The following ASCC2 variants were observed in gnomAD, a reference collection of about 807,000 sequenced individuals.
The protein encoded by ASCC2 is ASC-1 complex subunit P100.
In ASCC2, 42 loss-of-function variants were observed where a neutral mutation model predicts 93.5. The ratio of observed to expected loss-of-function variants is 0.45; its 90% CI spans 0.35 to 0.58. The LOEUF is 0.58. ASCC2 is among the 20% of genes least tolerant of loss of function. The pLI is 0.00. For missense variants in ASCC2, 859 were observed against 977.6 expected (o/e 0.88, Z 1.62); for synonymous variants, 364 against 384.2 (o/e 0.95, Z 0.62).
Position 29,801,050 on chromosome 22 carries a change from G to A in ASCC2, c.1629C>T (p.Asp543=), listed in dbSNP as rs764843866. The A allele has an allele frequency of 3.3e-5, 53 of 1,609,550 alleles. No homozygotes were observed. Among genetic ancestry groups the A allele is most frequent in the Non-Finnish European group, 3.2e-5 (38 of 1,176,450 alleles). The change falls in exon 15 of 20, where the codon GAC becomes GAT. Residue 543 remains aspartate, a synonymous_variant. Coordinates refer to ENST00000307790, the MANE Select transcript of ASCC2 (RefSeq NM_032204.5). ...AGTCCCTGCTGAACACATCAAACTCGTCATTCTGGAAGACGTTGTGGCGAG... is the reference window on the plus strand; with the variant it reads ...AGTCCCTGCTGAACACATCAAACTCATCATTCTGGAAGACGTTGTGGCGAG... The part of the protein sequence containing the change: ...LTSRHNVFQN[D]EFDVFSRDSV...
chr22:29,816,177 CT>C lies in ASCC2; in HGVS notation c.542-105del, dbSNP rs1197917858. 4 of 963,984 alleles carry C rather than the reference CT, an allele frequency of 4.1e-6. No homozygotes were observed. In the East Asian group the frequency reaches 7.9e-5, roughly 19 times the overall value. 59.7% of individuals were successfully genotyped at this position (963,984 alleles called of 1,614,324 possible). ...GCCAGCAGGTCTGTGACCTTTCTCC[CT>C]TTTCCTAATCCTATCTGCAGCTAGG... On this transcript the variant is annotated intron_variant, in intron 5 of 19. Transcript: ENST00000307790.
intron 7 of ASCC2, 24 bp downstream of exon 7, chr22:29,814,633 G>T (rs767656220): frequency 6.4e-7 from 1 of 1,566,310 alleles, no homozygotes; most frequent in South Asian, 1.2e-5. Flanking sequence ...GCAGGAAAGA[G>T]ACTGGGCCGA....
chr22:29,798,831 G>T (rs1042606608), intron 15 of ASCC2, among the ~76,000 whole-genome samples: 2 of 152,230 alleles, frequency 1.3e-5, no homozygotes, highest in African/African-American at 4.8e-5. Context: ...TCTAGCATAG[G>T]ATCTGGTGCT....
At chr22:29,812,886 GTT>G (rs111804922) in intron 8 of ASCC2, among the ~76,000 whole-genome samples, 2 of 143,732 alleles carry the variant, frequency 1.4e-5, no homozygotes. Context: ...TTGGTTGTGC[GTT>G]TTTTTTTTTT....
intron 2 of ASCC2, chr22:29,827,476 C>A (rs998398043): frequency 7.0e-6 from 3 of 426,848 alleles, no homozygotes. Flanking sequence ...TAGTGCCTTA[C>A]GCGAGTTTCC....
In ASCC2 at chr22:29,808,169, C is replaced by T. The variant is rs771133741; in HGVS notation, c.850G>A (p.Glu284Lys). ...DFCYRLASFY[E>K]AAIPEMESAI... Reference sequence around the variant, plus strand: ...GACTCCATTTCGGGAATTGCTGCTTCGTAGAAGGAAGCTAGTCTGTGCAGG... The same window carrying T: ...GACTCCATTTCGGGAATTGCTGCTTTGTAGAAGGAAGCTAGTCTGTGCAGG... Residue 284 changes from glutamate to lysine, a missense_variant, in exon 9 of 20, where the codon GAA becomes AAA. Glu to Lys is a moderately conservative substitution (Grantham distance 56). Transcript: ENST00000307790. 7.4e-6 allele frequency: 12 copies of T among 1,614,086 alleles called. No individual in the cohort carries two copies. Among genetic ancestry groups the T allele is most frequent in the African/African-American group, 2.7e-5 (2 of 74,940 alleles).
chr22:29,834,812 G>A (rs2063573230), intron 1 of ASCC2, among the ~76,000 whole-genome samples: 1 of 150,336 alleles, frequency 6.7e-6, no homozygotes, highest in African/African-American at 2.5e-5. Flanking sequence ...TAGGGCACCT[G>A]GGGCTCTTGT....
intron 13 of ASCC2, among the ~76,000 whole-genome samples, chr22:29,804,363 T>C (rs1359518948): frequency 2.0e-5 from 3 of 152,172 alleles, no homozygotes; most frequent in African/African-American, 7.2e-5. Context: ...GAAACGTTCA[T>C]GGAAAGTTTC....
chr22:29,792,637 G>C, intron 17 of ASCC2, 102 bp from the exon 18 acceptor site: 1 of 1,486,464 alleles, frequency 6.7e-7, no homozygotes, highest in African/African-American at 1.4e-5. Flanking sequence ...CCGCCAGGAG[G>C]GCTCAGGAGG....
At chr22:29,792,303 GAC>G in intron 18 of ASCC2, 128 bp downstream of exon 18, 1 of 1,482,450 alleles carries the variant, frequency 6.7e-7, no homozygotes, top group South Asian at 1.3e-5. Context: ...GGCTCAAAGG[GAC>G]TCCTCCTGTC....
intron 4 of ASCC2, among the ~76,000 whole-genome samples, chr22:29,822,716 C>CTTT (rs748997801): frequency 1.7e-3 from 156 of 92,966 alleles, no homozygotes; most frequent in Non-Finnish European, 2.0e-3. Flanking sequence ...ATTATCATGT[C>CTTT]TTTTTTTTTT....
chr22:29,804,703 C>T lies in ASCC2; in HGVS notation c.1288G>A (p.Val430Ile). Residue 430 changes from valine (V) to isoleucine (I), a missense_variant, in exon 13 of 20, where the codon GTC becomes ATC. Coordinates refer to ENST00000307790, the MANE Select transcript of ASCC2 (RefSeq NM_032204.5). ...IEEPNGEPNG[V>I]TVTAEAVSQA... ...CTGACTGCCTCTGCTGTCACCGTGA[C>T]CCCGTTAGGCTCCCCATTAGGCTCC... 1.9e-6 allele frequency: 3 copies of T among 1,614,142 alleles called. No homozygotes were observed. The highest frequency in any genetic ancestry group is 2.5e-6 in the Non-Finnish European group (3 of 1,180,020).
intron 6 of ASCC2, 63 bp from the exon 7 acceptor site, chr22:29,814,830 C>T (rs2082113320): frequency 1.5e-6 from 2 of 1,335,804 alleles, no homozygotes; most frequent in Non-Finnish European, 1.1e-6. Context: ...CCCCTGGCAG[C>T]AGCCAGGGTC....
rs2059658683 is a variant in ASCC2 at position 29,806,218 on chromosome 22, G to C, written c.1158C>G (p.Val386=). ...DISLLQQASS[V]LDETRTAYIL... is the part of the protein sequence containing the mutation. ...AGTGGGCTATGGTAGAAGGATACAA[G>C]ACTGATGAGGCCTGCTGCAGCAAGC... The change falls in exon 12 of 20, where the codon GTC becomes GTG. Residue 386 remains valine, a splice_region_variant and synonymous_variant. Transcript: ENST00000307790. 6.2e-7 allele frequency: 1 copy of C among 1,613,940 alleles called. No homozygotes were observed.
chr22:29,827,899 G>GACACACACACACACACACAC (rs5844872), intron 2 of ASCC2, among the ~76,000 whole-genome samples: 1 of 39,968 alleles, frequency 2.5e-5, no homozygotes, highest in African/African-American at 1.1e-4. Flanking sequence ...TCATTCTTCT[G>GACACACACACACACACACAC]ACACACACAC....
chr22:29,821,348 T>G (rs77284213), intron 5 of ASCC2, among the ~76,000 whole-genome samples: 1 of 152,236 alleles, frequency 6.6e-6, no homozygotes, highest in Admixed American at 6.5e-5. Context: ...ATGACATTTT[T>G]GACACAGTGC....
intron 4 of ASCC2, among the ~76,000 whole-genome samples, chr22:29,823,808 T>C (rs1356770161): frequency 6.6e-6 from 1 of 150,816 alleles, no homozygotes. Context: ...GATCATGCCA[T>C]TGCACTCCAG....
intron 2 of ASCC2, among the ~76,000 whole-genome samples, chr22:29,826,413 C>T (rs1254903508): frequency 6.6e-6 from 1 of 152,022 alleles, no homozygotes; most frequent in Non-Finnish European, 1.5e-5. Context: ...ACCTCCTGGG[C>T]TTAGGTGATC....
intron 2 of ASCC2, 47 bp downstream of exon 2, chr22:29,832,198 G>C: frequency 6.6e-7 from 1 of 1,521,156 alleles, no homozygotes; most frequent in East Asian, 2.3e-5. Context: ...TCCTGAAATT[G>C]CAAGACTGAC....
Sources: allele counts gnomAD v4.1 joint callset (sites outside exome capture counted in the v4.1 genomes callset), GRCh38; gene constraint gnomAD v4.1.1; transcripts MANE v1.5; gene names NCBI Gene and HGNC (gene_info 2026-07-23, HGNC 2026-07-21).